CDK14: variants seen among roughly 807,000 people sequenced by gnomAD.
CDK14 encodes cyclin dependent kinase 14.
In CDK14, 34 loss-of-function variants were observed where a neutral mutation model predicts 60.7. That is an observed-to-expected ratio of 0.56 (90% CI 0.43 to 0.75). CDK14 has a LOEUF of 0.75. Ranked by LOEUF, CDK14 falls within the 30% of genes least tolerant of loss-of-function variation. The pLI is 0.00. For missense variants in CDK14, 482 were observed against 564.1 expected (o/e 0.85, Z 1.47); for synonymous variants, 197 against 203.7 (o/e 0.97, Z 0.28).
chr7:90,671,925 G>A (rs143648053), intron 2 of CDK14, among the ~76,000 whole-genome samples: 119 of 152,320 alleles, frequency 7.8e-4, no homozygotes, highest in Non-Finnish European at 1.4e-3. Context: ...AAATTATTCT[G>A]CTCCATTTGG....
chr7:90,984,087 A>T (rs576284889), intron 9 of CDK14, 61 bp from the exon 10 acceptor site: 19 of 1,049,466 alleles, frequency 1.8e-5, no homozygotes, highest in Middle Eastern at 2.0e-4. Flanking sequence ...CTAATTCCAG[A>T]TTTAGTTTTC....
intron 14 of CDK14, among the ~76,000 whole-genome samples, chr7:91,161,413 A>G (rs1158179793): frequency 1.3e-5 from 2 of 152,212 alleles, no homozygotes; most frequent in East Asian, 3.8e-4. Context: ...TCCTGAGAAA[A>G]ATCTGAGTGG....
intron 2 of CDK14, among the ~76,000 whole-genome samples, chr7:90,661,632 T>A (rs949904233): frequency 7.9e-5 from 12 of 152,216 alleles, no homozygotes; most frequent in African/African-American, 2.9e-4. Flanking sequence ...ACATGCCTTG[T>A]CACTGTAGGT....
intron 5 of CDK14, among the ~76,000 whole-genome samples, chr7:90,804,599 G>A (rs1472765781): frequency 6.6e-6 from 1 of 151,952 alleles, no homozygotes; most frequent in Admixed American, 6.6e-5. Context: ...TAATCTGATG[G>A]GTGTCTGCCA....
At chr7:90,698,096 G>GAA (rs1309522299) in intron 2 of CDK14, among the ~76,000 whole-genome samples, 2 of 126,918 alleles carry the variant, frequency 1.6e-5, no homozygotes, top group African/African-American at 5.8e-5. Context: ...AAAAGAAAAA[G>GAA]AAAAAAAGTG....
At chr7:91,148,225 T>A (rs553566203) in intron 14 of CDK14, among the ~76,000 whole-genome samples, 1 of 152,034 alleles carries the variant, frequency 6.6e-6, no homozygotes, top group South Asian at 2.1e-4. Context: ...AAAAAAATTT[T>A]AAAAATTAGC....
chr7:90,629,404 A>G (rs1379280627), intron 2 of CDK14, among the ~76,000 whole-genome samples: 1 of 152,118 alleles, frequency 6.6e-6, no homozygotes, highest in Non-Finnish European at 1.5e-5. Flanking sequence ...ATTTTTAATC[A>G]CTTTGTCCCT....
chr7:90,812,052 A>G (rs1032429313), intron 5 of CDK14, among the ~76,000 whole-genome samples: 3 of 152,196 alleles, frequency 2.0e-5, no homozygotes, highest in Non-Finnish European at 2.9e-5. Flanking sequence ...TGTGGAAGTC[A>G]GTGTGGCGAT....
chr7:90,782,622 C>T (rs1339206534), intron 4 of CDK14, among the ~76,000 whole-genome samples: 1 of 151,968 alleles, frequency 6.6e-6, no homozygotes, highest in Non-Finnish European at 1.5e-5. Flanking sequence ...AATGGGGGGA[C>T]TTGTCTATAT....
intron 14 of CDK14, among the ~76,000 whole-genome samples, chr7:91,147,158 T>TCA (rs1562924493): frequency 1.9e-5 from 2 of 107,562 alleles, no homozygotes; most frequent in South Asian, 3.7e-4. Flanking sequence ...TCTCTCTCTC[T>TCA]CTCTCACACA....
At chr7:91,015,626 C>G (rs1355995018) in intron 10 of CDK14, among the ~76,000 whole-genome samples, 3 of 140,820 alleles carry the variant, frequency 2.1e-5, no homozygotes, top group African/African-American at 8.0e-5. Flanking sequence ...CTCCCGGGTT[C>G]AAGCCATTCT....
intron 2 of CDK14, among the ~76,000 whole-genome samples, chr7:90,637,106 T>C (rs1459032225): frequency 2.0e-5 from 3 of 152,220 alleles, no homozygotes; most frequent in Non-Finnish European, 4.4e-5. Context: ...CATTAATTTT[T>C]TAAAGGGTTT....
chr7:90,662,344 G>A (rs533761951), intron 2 of CDK14, among the ~76,000 whole-genome samples: 1 of 152,318 alleles, frequency 6.6e-6, no homozygotes, highest in Admixed American at 6.5e-5. Context: ...GTTATGCTGT[G>A]CCAGTGAAAT....
At chr7:91,192,792 A>G (rs1802408176) in intron 14 of CDK14, among the ~76,000 whole-genome samples, 1 of 152,184 alleles carries the variant, frequency 6.6e-6, no homozygotes, top group African/African-American at 2.4e-5. Context: ...GAGAAGAAAA[A>G]GAATGGAAAG....
At chr7:90,830,969 T>C (rs565324729) in intron 5 of CDK14, among the ~76,000 whole-genome samples, 2 of 152,342 alleles carry the variant, frequency 1.3e-5, no homozygotes, top group South Asian at 2.1e-4. Context: ...TCCATATCAC[T>C]ATCAGCATTT....
chr7:91,141,912 G>A (rs575416434), intron 14 of CDK14, among the ~76,000 whole-genome samples: 19 of 151,974 alleles, frequency 1.3e-4, no homozygotes, highest in East Asian at 1.9e-4. Context: ...TGCAAGCTCC[G>A]CCTCCTGGGT....
At chr7:90,710,582 C>T in intron 2 of CDK14, 10 of 976,528 alleles carry the variant, frequency 1.0e-5, no homozygotes, top group Non-Finnish European at 1.1e-5. Context: ...TGGTATTTTG[C>T]ATCATTACAC....
intron 8 of CDK14, among the ~76,000 whole-genome samples, chr7:90,927,866 T>A (rs1219895737): frequency 1.3e-5 from 2 of 152,250 alleles, no homozygotes; most frequent in Non-Finnish European, 2.9e-5. Flanking sequence ...GATGTAGATT[T>A]GGTCTTTTCA....
At chr7:90,801,551 C>A (rs901876239) in intron 5 of CDK14, among the ~76,000 whole-genome samples, 2 of 152,172 alleles carry the variant, frequency 1.3e-5, no homozygotes, top group East Asian at 1.9e-4. Flanking sequence ...TCTAAAGCTA[C>A]TAAGTTGCTG....
Sources: allele counts gnomAD v4.1 joint callset (sites outside exome capture counted in the v4.1 genomes callset), GRCh38; gene constraint gnomAD v4.1.1; transcripts MANE v1.5; gene names NCBI Gene and HGNC (gene_info 2026-07-23, HGNC 2026-07-21).